ZSCAN5A: variants seen among roughly 807,000 people sequenced by gnomAD.
ZSCAN5A encodes zinc finger and SCAN domain containing 5A.
In ZSCAN5A, 12 loss-of-function variants were observed where a neutral mutation model predicts 23.7. The observed-to-expected ratio is 0.51, with a 90% CI of 0.32 to 0.82. The LOEUF (loss-of-function observed/expected upper bound fraction) is 0.82, where lower values mean the gene tolerates loss of function less well. ZSCAN5A is among the 40% of genes least tolerant of loss of function. The pLI, the probability that ZSCAN5A is intolerant of heterozygous loss-of-function variation, is 0.03. For missense variants in ZSCAN5A, 597 were observed against 617.9 expected, an observed-to-expected ratio of 0.97 and a Z score of 0.36; for synonymous variants, 257 against 239.9, an observed-to-expected ratio of 1.07 and a Z score of -0.66.
At chr19:56,346,541 A>G (rs1193944636) in intron 2 of ZSCAN5A, among the ~76,000 whole-genome samples, 1 of 151,898 alleles carries the variant, frequency 6.6e-6, no homozygotes, top group African/African-American at 2.4e-5. Context: ...AAAAAAAAGA[A>G]AAAAAGAACC....
At chr19:56,354,121 C>T (rs770434549) in intron 2 of ZSCAN5A, among the ~76,000 whole-genome samples, 6 of 151,976 alleles carry the variant, frequency 3.9e-5, no homozygotes, top group African/African-American at 1.2e-4. Context: ...GTGGTGGTTG[C>T]GAGGAGCTGA....
At chr19:56,358,775 C>A (rs976373069) in intron 2 of ZSCAN5A, among the ~76,000 whole-genome samples, 2 of 152,180 alleles carry the variant, frequency 1.3e-5, no homozygotes, top group Non-Finnish European at 2.9e-5. Context: ...GAAATTCACT[C>A]AAAAACACGT....
Position 56,225,076 on chromosome 19 carries a change from T to C in ZSCAN5A, c.-30A>G. On this transcript the variant is annotated 5_prime_UTR_variant, in exon 3 of 6. Transcript: ENST00000683990. The stretch of plus-strand genomic sequence containing the variant: ...AGTGGAGAATTTTTTAATCAGTCTC[T>C]GAGAAAGCTCTTCCAGTAGCTGGTA... 1 of 1,546,054 alleles carries C rather than the reference T, an allele frequency of 6.5e-7. No homozygotes were observed. Among genetic ancestry groups the C allele is most frequent in the Non-Finnish European group, 8.7e-7 (1 of 1,148,736 alleles).
In ZSCAN5A at chr19:56,221,947, G is replaced by C. The variant is rs2033240314; in HGVS notation, c.1119C>G (p.Ile373Met). The change falls in exon 6 of 6, where the codon ATC becomes ATG. Residue 373 changes from isoleucine to methionine, a missense_variant. Ile to Met is a conservative substitution (Grantham distance 10). Coordinates refer to ENST00000683990, the MANE Select transcript of ZSCAN5A (RefSeq NM_001322064.3). Reference sequence around the variant, plus strand: ...TCTCGCCTGTGTGTGATCTCTTGTGGATGACTAGCTTGGAATTACACGTAA... The same window carrying C: ...TCTCGCCTGTGTGTGATCTCTTGTGCATGACTAGCTTGGAATTACACGTAA... ...KRFTCNSKLV[I>M]HKRSHTGERL... The C allele has an allele frequency of 2.5e-6, 4 of 1,614,186 alleles. No homozygotes were observed. Among genetic ancestry groups the C allele is most frequent in the Non-Finnish European group, 3.4e-6 (4 of 1,180,046 alleles).
At chr19:56,342,998 T>G (rs1333723926) in intron 2 of ZSCAN5A, 1 of 846,188 alleles carries the variant, frequency 1.2e-6, no homozygotes, top group Non-Finnish European at 2.1e-6. Context: ...AATCGTCTTT[T>G]CAGAAGTCAC....
intron 2 of ZSCAN5A, among the ~76,000 whole-genome samples, chr19:56,225,623 C>G (rs1182738563): frequency 1.3e-5 from 2 of 152,186 alleles, no homozygotes; most frequent in Non-Finnish European, 2.9e-5. Flanking sequence ...TTTACTTGCT[C>G]CAGGGAAGGG....
intron 1 of ZSCAN5A, among the ~76,000 whole-genome samples, chr19:56,366,352 G>C (rs2041764837): frequency 6.6e-6 from 1 of 151,692 alleles, no homozygotes; most frequent in South Asian, 2.1e-4. Flanking sequence ...TGAGGCAGGA[G>C]GCGGAGCTTG....
chr19:56,330,164 T>A (rs546158849), intron 2 of ZSCAN5A, among the ~76,000 whole-genome samples: 29 of 152,374 alleles, frequency 1.9e-4, no homozygotes, highest in African/African-American at 7.0e-4. Context: ...GCACAAGATT[T>A]TGTTCCGTTT....
At chr19:56,252,373 A>G (rs960991008) in intron 2 of ZSCAN5A, among the ~76,000 whole-genome samples, 3 of 152,232 alleles carry the variant, frequency 2.0e-5, no homozygotes, top group African/African-American at 7.2e-5. Flanking sequence ...ATTGAGTTTG[A>G]ATGTTAAGAC....
chr19:56,342,776 G>A lies in ZSCAN5A; in HGVS notation c.-358+20459C>T, dbSNP rs73937240. ...CAAGGCCAACCATCCCCACATACAC[G>A]GAGATACAGAGTACTGAACTGGGAC... On this transcript the variant is annotated intron_variant, in intron 2 of 6. Coordinates refer to the ZSCAN5A transcript ENST00000587340. 3.4e-3 allele frequency: 2,392 copies of A among 713,944 alleles called. 36 individuals are homozygous for A. In the African/African-American group the frequency reaches 0.036, roughly 11 times the overall value. 44.2% of individuals were successfully genotyped at this position (713,944 alleles called of 1,614,324 possible).
At chr19:56,270,905 C>G (rs2037801750) in intron 2 of ZSCAN5A, among the ~76,000 whole-genome samples, 1 of 152,184 alleles carries the variant, frequency 6.6e-6, no homozygotes, top group African/African-American at 2.4e-5. Context: ...GTGAGAAATC[C>G]TGATCTTCCC....
chr19:56,330,486 C>T (rs2041479310), intron 2 of ZSCAN5A, among the ~76,000 whole-genome samples: 1 of 152,158 alleles, frequency 6.6e-6, no homozygotes, highest in African/African-American at 2.4e-5. Flanking sequence ...GTAGCCTTGC[C>T]AGCATCTCTT....
chr19:56,319,149 C>T (rs1451988278), upstream of ZSCAN5A, among the ~76,000 whole-genome samples: 1 of 151,990 alleles, frequency 6.6e-6, no homozygotes. Flanking sequence ...AGCTCATTCC[C>T]CCCTATTTCT....
intron 2 of ZSCAN5A, among the ~76,000 whole-genome samples, chr19:56,308,187 C>T (rs1271567292): frequency 6.6e-6 from 1 of 152,182 alleles, no homozygotes; most frequent in Non-Finnish European, 1.5e-5. Context: ...GCGAGTGCCA[C>T]CACGCCCAGC....
At chr19:56,250,898 C>T (rs1332287991) in intron 2 of ZSCAN5A, among the ~76,000 whole-genome samples, 1 of 152,094 alleles carries the variant, frequency 6.6e-6, no homozygotes, top group East Asian at 1.9e-4. Flanking sequence ...GACCACTGAT[C>T]CCAGCACTTT....
At chr19:56,365,539 T>C (rs1228210723) in intron 1 of ZSCAN5A, among the ~76,000 whole-genome samples, 3 of 152,190 alleles carry the variant, frequency 2.0e-5, no homozygotes, top group South Asian at 2.1e-4. Context: ...TACTGAGACT[T>C]CCAGTTTCTG....
intron 2 of ZSCAN5A, among the ~76,000 whole-genome samples, chr19:56,240,535 G>A (rs1479222737): frequency 6.6e-6 from 1 of 152,160 alleles, no homozygotes; most frequent in Non-Finnish European, 1.5e-5. Flanking sequence ...AGGCGGGAAG[G>A]AGGTAAGTGT....
At chr19:56,309,344 G>A (rs1029091717) in intron 2 of ZSCAN5A, among the ~76,000 whole-genome samples, 1 of 152,116 alleles carries the variant, frequency 6.6e-6, no homozygotes, top group Non-Finnish European at 1.5e-5. Context: ...TTTCTTTTTT[G>A]GGTTGATGAA....
chr19:56,262,976 A>C (rs1217473378), intron 2 of ZSCAN5A, among the ~76,000 whole-genome samples: 2 of 152,220 alleles, frequency 1.3e-5, no homozygotes, highest in African/African-American at 4.8e-5. Context: ...AAACAAATTT[A>C]GTAGATTATA....
Sources: allele counts gnomAD v4.1 joint callset (sites outside exome capture counted in the v4.1 genomes callset), GRCh38; gene constraint gnomAD v4.1.1; transcripts MANE v1.5; gene names NCBI Gene and HGNC (gene_info 2026-07-23, HGNC 2026-07-21).